DLG2: variants seen among roughly 807,000 people sequenced by gnomAD.
DLG2 encodes the protein disks large homolog 2.
Under a neutral mutation model 132.5 loss-of-function variants are expected in DLG2, and 45 were observed. That is an observed-to-expected ratio of 0.34 (90% CI 0.27 to 0.44). DLG2 has a LOEUF of 0.44. Ranked by LOEUF, DLG2 falls within the 20% of genes least tolerant of loss-of-function variation. DLG2 has a pLI of 1.00. For synonymous variants in DLG2, 424 were observed against 419.6 expected (o/e 1.01, Z -0.13); for missense variants, 1,045 against 1,196.9 (o/e 0.87, Z 1.87).
At chr11:85,479,870 T>C (rs1173047921) in intron 3 of DLG2, among the ~76,000 whole-genome samples, 1 of 152,216 alleles carries the variant, frequency 6.6e-6, no homozygotes, top group Non-Finnish European at 1.5e-5. Flanking sequence ...TCACATTGTC[T>C]TCTGTTCAAA....
chr11:85,018,818 G>C (rs1211193081), intron 6 of DLG2, among the ~76,000 whole-genome samples: 1 of 142,238 alleles, frequency 7.0e-6, no homozygotes, highest in Non-Finnish European at 1.5e-5. Context: ...CCAAATTCCT[G>C]GCTTAATAAG....
At chr11:83,888,232 G>C (rs898003443) in intron 15 of DLG2, among the ~76,000 whole-genome samples, 13 of 152,092 alleles carry the variant, frequency 8.5e-5, no homozygotes, top group African/African-American at 2.4e-4. Context: ...TCCTTAAGCT[G>C]ATAAGCAACT....
intron 5 of DLG2, among the ~76,000 whole-genome samples, chr11:85,120,252 G>A (rs984110808): frequency 4.6e-5 from 7 of 152,064 alleles, no homozygotes; most frequent in Non-Finnish European, 8.8e-5. Context: ...ACAAGAAAAT[G>A]TGCAGGCTTT....
chr11:83,569,900 G>A (rs190459887), intron 19 of DLG2, among the ~76,000 whole-genome samples: 91 of 152,284 alleles, frequency 6.0e-4, no homozygotes, highest in African/African-American at 1.9e-3. Context: ...TGGGACATCC[G>A]TTTAAACAGG....
At chr11:84,869,773 G>C (rs935225207) in intron 6 of DLG2, among the ~76,000 whole-genome samples, 14 of 152,176 alleles carry the variant, frequency 9.2e-5, no homozygotes, top group African/African-American at 3.4e-4. Flanking sequence ...CCAGTACCAC[G>C]CCTGGGTTGG....
chr11:83,938,864 T>A (rs1041778464), intron 14 of DLG2, among the ~76,000 whole-genome samples: 1 of 152,232 alleles, frequency 6.6e-6, no homozygotes, highest in Non-Finnish European at 1.5e-5. Context: ...TCTAAGGAGC[T>A]GGATCTCTAC....
intron 3 of DLG2, among the ~76,000 whole-genome samples, chr11:85,494,573 T>C (rs1046734830): frequency 6.6e-6 from 1 of 151,854 alleles, no homozygotes; most frequent in Non-Finnish European, 1.5e-5. Context: ...GTCTCCTGGA[T>C]TATGCTGCTG....
intron 26 of DLG2, 67 bp from the exon 27 acceptor site, chr11:83,462,160 A>G: frequency 9.6e-7 from 1 of 1,044,764 alleles, no homozygotes; most frequent in Admixed American, 1.8e-5. Context: ...ATTAAAATGT[A>G]TGGCAAAAAT....
At chr11:84,659,697 A>G (rs1383510767) in intron 6 of DLG2, among the ~76,000 whole-genome samples, 4 of 152,142 alleles carry the variant, frequency 2.6e-5, no homozygotes, top group Non-Finnish European at 4.4e-5. Flanking sequence ...AAGATGCTAA[A>G]CCAACTATGA....
At chr11:84,198,314 T>C (rs1452993053) in intron 8 of DLG2, among the ~76,000 whole-genome samples, 2 of 152,120 alleles carry the variant, frequency 1.3e-5, no homozygotes, top group Non-Finnish European at 2.9e-5. Flanking sequence ...CACCACAAAA[T>C]ATAGGAGTAA....
At chr11:85,555,763 A>G (rs2076911098) in intron 3 of DLG2, among the ~76,000 whole-genome samples, 1 of 151,926 alleles carries the variant, frequency 6.6e-6, no homozygotes, top group Admixed American at 6.6e-5. Context: ...GCATAATAAG[A>G]CAACCTTTGT....
intron 7 of DLG2, among the ~76,000 whole-genome samples, chr11:84,447,961 G>C (rs1394077958): frequency 6.6e-6 from 1 of 152,052 alleles, no homozygotes; most frequent in African/African-American, 2.4e-5. Flanking sequence ...ATATCTAATG[G>C]AACATTAGAA....
chr11:85,236,431 T>C lies in DLG2; in HGVS notation c.186+48789A>G, dbSNP rs552212561. On this transcript the variant is annotated intron_variant, in intron 4 of 27. Transcript: ENST00000376104. ...TGCAGATGGCTGTCCTCTTGCTGCTTCTTCACATGCTCCTCTCTCTATGCA... is the reference window on the plus strand; with the variant it reads ...TGCAGATGGCTGTCCTCTTGCTGCTCCTTCACATGCTCCTCTCTCTATGCA... 2.0e-5 allele frequency among the ~76,000 whole-genome samples: 3 copies of C among 152,120 alleles called. No homozygotes were observed. In the East Asian group the frequency reaches 5.8e-4, roughly 30 times the overall value.
intron 6 of DLG2, among the ~76,000 whole-genome samples, chr11:84,877,512 CT>C (rs60339036): frequency 2.1e-3 from 123 of 57,452 alleles, no homozygotes; most frequent in African/African-American, 8.4e-3. Context: ...GCAACCCCTG[CT>C]TTTTTTTTTT....
chr11:83,582,470 T>G (rs1212248644), intron 19 of DLG2, among the ~76,000 whole-genome samples: 1 of 152,216 alleles, frequency 6.6e-6, no homozygotes, highest in Non-Finnish European at 1.5e-5. Context: ...GCATAGTGCT[T>G]GATGCTGGGG....
chr11:83,707,156 T>C (rs1328461838), intron 18 of DLG2, among the ~76,000 whole-genome samples: 4 of 152,180 alleles, frequency 2.6e-5, no homozygotes, highest in Non-Finnish European at 5.9e-5. Context: ...GAACAAAAGA[T>C]GAGGCTGAAG....
intron 8 of DLG2, among the ~76,000 whole-genome samples, chr11:84,213,065 C>T (rs1224763428): frequency 6.6e-6 from 1 of 152,164 alleles, no homozygotes. Context: ...TCAGGAGGAG[C>T]TGCTTACACA....
intron 7 of DLG2, among the ~76,000 whole-genome samples, chr11:84,402,495 T>C (rs1187371931): frequency 6.6e-6 from 1 of 152,112 alleles, no homozygotes; most frequent in East Asian, 1.9e-4. Flanking sequence ...CCAGGGCTTT[T>C]TCCACTACTG....
intron 14 of DLG2, among the ~76,000 whole-genome samples, chr11:83,932,842 C>A (rs191985311): frequency 5.3e-4 from 80 of 152,170 alleles, no homozygotes; most frequent in Middle Eastern, 3.4e-3. Flanking sequence ...ACCAGAATCC[C>A]AATGTTATCA....
Sources: allele counts gnomAD v4.1 joint callset (sites outside exome capture counted in the v4.1 genomes callset), GRCh38; gene constraint gnomAD v4.1.1; transcripts MANE v1.5; gene names NCBI Gene and HGNC (gene_info 2026-07-23, HGNC 2026-07-21).